The following ELFN1 variants were observed in gnomAD, a reference collection of about 807,000 sequenced individuals.
ELFN1 encodes protein ELFN1.
A neutral mutation model predicts 7.6 loss-of-function variants in ELFN1; 6 were observed. That is an observed-to-expected ratio of 0.79 (90% CI 0.43 to 1.56). ELFN1 has a LOEUF of 1.56. ELFN1 is among the 40% of genes most tolerant of loss of function. The pLI is 0.01. For synonymous variants in ELFN1, 657 were observed against 588.1 expected (o/e 1.12, Z -1.70); for missense variants, 1,169 against 1,232.2 (o/e 0.95, Z 0.77).
At chr7:1,734,829 C>A (rs1008066101) in intron 3 of ELFN1, among the ~76,000 whole-genome samples, 1 of 152,048 alleles carries the variant, frequency 6.6e-6, no homozygotes, top group Admixed American at 6.5e-5. Context: ...TCCCAAATAG[C>A]TGGGATCACA....
At chr7:1,682,035 T>TTA (rs1361949178) in intron 1 of ELFN1, among the ~76,000 whole-genome samples, 1 of 152,264 alleles carries the variant, frequency 6.6e-6, no homozygotes, top group East Asian at 1.9e-4. Context: ...TAATTTCTGA[T>TTA]CTCTTATCCC....
rs990401197 is a variant in ELFN1 at position 1,673,554 on chromosome 7, A to T, written c.-549+3200A>T. On this transcript the variant is annotated intron_variant, in intron 1 of 3. Coordinates refer to ENST00000424383, the MANE Select transcript of ELFN1 (RefSeq NM_001128636.4). The surrounding 1 kb of genome is among the most constrained non-coding windows in gnomAD (Gnocchi z 4.7). ...GTGGATTGAGACCTGGTTCTGTCCC[A>T]CCTCTTCCAGCCTCCTGGGGAGGGA... 4.1e-5 allele frequency among the ~76,000 whole-genome samples: 6 copies of T among 144,902 alleles called. No individual in the cohort carries two copies. Among genetic ancestry groups the T allele is most frequent in the African/African-American group, 1.5e-4 (6 of 40,042 alleles).
At chr7:1,674,737 C>T (rs556578370) in intron 1 of ELFN1, among the ~76,000 whole-genome samples, 1 of 152,268 alleles carries the variant, frequency 6.6e-6, no homozygotes, top group African/African-American at 2.4e-5. Flanking sequence ...AGGGCCTTGC[C>T]TCCCTGTGTG....
At position 1,693,294 on chromosome 7, in the gene ELFN1, C is replaced by T. The variant is rs111620373; in HGVS notation, c.-456+5144C>T. Reference sequence around the variant, plus strand: ...AGGATGTACTGGCTGGGGAAAGGAACGCCCATCGGGGCAGCCTCAGAAAGT... The same window carrying T: ...AGGATGTACTGGCTGGGGAAAGGAATGCCCATCGGGGCAGCCTCAGAAAGT... On this transcript the variant is annotated intron_variant, in intron 2 of 3. Transcript: ENST00000424383. The T allele has an allele frequency of 6.4e-5, 29 of 454,490 alleles. 1 individual carries two copies. Among genetic ancestry groups the T allele is most frequent in the South Asian group, 2.0e-4 (13 of 63,686 alleles). The allele number at this position is 454,490 out of a possible 1,614,324, so 28.2% of individuals were successfully genotyped here. A position where few individuals can be genotyped will look rare whatever the true frequency, so the allele number is the denominator to read the frequency against.
chr7:1,691,336 A>G (rs1040642529), intron 2 of ELFN1, among the ~76,000 whole-genome samples: 1 of 152,108 alleles, frequency 6.6e-6, no homozygotes, highest in Non-Finnish European at 1.5e-5. Flanking sequence ...TGCAGTCTCC[A>G]CCCAAGGCTG....
At chr7:1,710,689 T>C (rs1408607424) in intron 3 of ELFN1, among the ~76,000 whole-genome samples, 1 of 152,180 alleles carries the variant, frequency 6.6e-6, no homozygotes, top group Non-Finnish European at 1.5e-5. Flanking sequence ...AGTGTTCGTT[T>C]CTCCACGTCT....
At chr7:1,729,705 G>A (rs1326605749) in intron 3 of ELFN1, among the ~76,000 whole-genome samples, 2 of 152,170 alleles carry the variant, frequency 1.3e-5, no homozygotes, top group African/African-American at 2.4e-5. Context: ...ACTCCAGGTG[G>A]GAGGTAGAGA....
intron 3 of ELFN1, among the ~76,000 whole-genome samples, chr7:1,729,554 G>T (rs577896457): frequency 6.6e-6 from 1 of 152,182 alleles, no homozygotes; most frequent in Non-Finnish European, 1.5e-5. Flanking sequence ...CAGGGTGGCC[G>T]GCCTAGCTAG....
chr7:1,666,190 G>A (rs1466193943), upstream of ELFN1, among the ~76,000 whole-genome samples: 1 of 152,066 alleles, frequency 6.6e-6, no homozygotes, highest in African/African-American at 2.4e-5. This position sits in a 1 kb window ranked among gnomAD's most constrained non-coding sequence, Gnocchi z 7.9. Flanking sequence ...GGCCTGAGGG[G>A]CAGGGGGCTG....
At chr7:1,686,755 T>G (rs148962597) in intron 1 of ELFN1, among the ~76,000 whole-genome samples, 8 of 152,294 alleles carry the variant, frequency 5.3e-5, no homozygotes, top group Non-Finnish European at 1.0e-4. Flanking sequence ...GGCCAGAAAT[T>G]TGTGAATTGC....
At chr7:1,701,725 C>T (rs1779432235) in intron 2 of ELFN1, among the ~76,000 whole-genome samples, 1 of 152,050 alleles carries the variant, frequency 6.6e-6, no homozygotes, top group African/African-American at 2.4e-5. Context: ...TCACCTGAGG[C>T]TGAGAAGTTT....
intron 2 of ELFN1, chr7:1,692,552 C>G (rs1346691713): frequency 6.6e-6 from 1 of 152,500 alleles, no homozygotes; most frequent in African/African-American, 2.4e-5. Flanking sequence ...TCAGCAGAGG[C>G]AGGCAACACC....
chr7:1,726,163 C>T (rs1037113269), intron 3 of ELFN1, among the ~76,000 whole-genome samples: 1 of 152,154 alleles, frequency 6.6e-6, no homozygotes, highest in African/African-American at 2.4e-5. Context: ...CTCCAAGGTC[C>T]GCACCCGCCA....
chr7:1,718,819 G>A (rs1368995137), intron 3 of ELFN1, among the ~76,000 whole-genome samples: 1 of 152,176 alleles, frequency 6.6e-6, no homozygotes, highest in East Asian at 1.9e-4. Context: ...CCATTGATTG[G>A]TTTGTGGACC....
intron 1 of ELFN1, among the ~76,000 whole-genome samples, chr7:1,679,359 G>A (rs950661923): frequency 2.8e-4 from 42 of 152,294 alleles, no homozygotes; most frequent in African/African-American, 9.9e-4. Flanking sequence ...CCTGCAGGAG[G>A]CTCTGGGACC....
chr7:1,683,758 A>G (rs766366187), intron 1 of ELFN1, among the ~76,000 whole-genome samples: 9 of 152,252 alleles, frequency 5.9e-5, no homozygotes, highest in Non-Finnish European at 1.0e-4. Context: ...TAACTGTTAC[A>G]TATTCCTGAG....
intron 1 of ELFN1, among the ~76,000 whole-genome samples, chr7:1,676,392 C>T (rs530190370): frequency 1.3e-5 from 2 of 152,116 alleles, no homozygotes; most frequent in East Asian, 1.9e-4. Flanking sequence ...TGGGGTGGCC[C>T]GGGCTGGGGA....
chr7:1,721,754 G>A (rs554636452), intron 3 of ELFN1, among the ~76,000 whole-genome samples: 1 of 152,200 alleles, frequency 6.6e-6, no homozygotes, highest in Non-Finnish European at 1.5e-5. Context: ...ACGATCTGCT[G>A]TCCAGGAGTT....
At chr7:1,741,483 G>C (rs1243451055) in intron 3 of ELFN1, among the ~76,000 whole-genome samples, 1 of 152,226 alleles carries the variant, frequency 6.6e-6, no homozygotes, top group Admixed American at 6.5e-5. Flanking sequence ...TGATGGAGGA[G>C]GGCTCAGAGC....
Sources: allele counts gnomAD v4.1 joint callset (sites outside exome capture counted in the v4.1 genomes callset), GRCh38; gene constraint gnomAD v4.1.1; non-coding constraint Gnocchi (gnomAD v3.1); transcripts MANE v1.5; gene names NCBI Gene and HGNC (gene_info 2026-07-23, HGNC 2026-07-21).